Variants in SCARB1 observed in about 807,000 individuals in gnomAD.
SCARB1 encodes scavenger receptor class B member 1.
A neutral mutation model predicts 57.2 loss-of-function variants in SCARB1; 30 were observed. The ratio of observed to expected loss-of-function variants is 0.52; its 90% CI spans 0.39 to 0.71. The LOEUF (loss-of-function observed/expected upper bound fraction) is 0.71, where lower values mean the gene tolerates loss of function less well. Ranked by LOEUF, SCARB1 falls within the 30% of genes least tolerant of loss-of-function variation. SCARB1 has a pLI of 0.00. For missense variants in SCARB1, 543 were observed against 671.2 expected (o/e 0.81, Z 2.11); for synonymous variants, 249 against 268.3 (o/e 0.93, Z 0.70).
chr12:124,851,827 G>A (rs796317485), intron 1 of SCARB1, among the ~76,000 whole-genome samples: 6 of 151,974 alleles, frequency 3.9e-5, no homozygotes, highest in East Asian at 1.9e-4. Flanking sequence ...GGCTGGTCTC[G>A]AACTCCTGAC....
At chr12:124,811,705 A>G (rs1473141137) in intron 5 of SCARB1, among the ~76,000 whole-genome samples, 165 bp downstream of exon 5, 1 of 152,192 alleles carries the variant, frequency 6.6e-6, no homozygotes, top group Non-Finnish European at 1.5e-5. Context: ...AGCTTTAACC[A>G]GAGGTAAAAT....
chr12:124,838,531 T>C (rs1032970869), intron 1 of SCARB1, among the ~76,000 whole-genome samples: 1 of 152,024 alleles, frequency 6.6e-6, no homozygotes, highest in Non-Finnish European at 1.5e-5. Flanking sequence ...AGGGCAACGG[T>C]GGTTTGGGCC....
chr12:124,813,359 T>G (rs1950589495), intron 4 of SCARB1, among the ~76,000 whole-genome samples: 2 of 152,150 alleles, frequency 1.3e-5, no homozygotes, highest in African/African-American at 4.8e-5. Context: ...ACTTGGACAA[T>G]GAGGTTATCT....
chr12:124,815,530 A>C (rs561159156), intron 2 of SCARB1, among the ~76,000 whole-genome samples: 1 of 152,290 alleles, frequency 6.6e-6, no homozygotes, highest in East Asian at 1.9e-4. Flanking sequence ...ATGATCTCTC[A>C]TCTCTCCAAG....
At chr12:124,830,495 C>T (rs1951341922) in intron 1 of SCARB1, among the ~76,000 whole-genome samples, 1 of 152,138 alleles carries the variant, frequency 6.6e-6, no homozygotes, top group East Asian at 1.9e-4. Context: ...TGGAATGCTA[C>T]CCAGAGACAA....
intron 7 of SCARB1, among the ~76,000 whole-genome samples, chr12:124,801,057 G>A (rs1334504757): frequency 6.6e-6 from 1 of 152,090 alleles, no homozygotes; most frequent in Non-Finnish European, 1.5e-5. Flanking sequence ...AAATTAGCCG[G>A]GCATGGTGGC....
chr12:124,839,209 T>G, intron 1 of SCARB1: 1 of 456,122 alleles, frequency 2.2e-6, no homozygotes, highest in Non-Finnish European at 4.4e-6. Context: ...GAAAAAGAGC[T>G]CTGCACCCCC....
chr12:124,828,269 C>T (rs992058134), intron 1 of SCARB1, among the ~76,000 whole-genome samples: 7 of 152,078 alleles, frequency 4.6e-5, no homozygotes, highest in African/African-American at 1.7e-4. Flanking sequence ...CTCCCCTGCA[C>T]CTGGAGAGGC....
Position 124,817,353 on chromosome 12 carries a change from TAAAAAAAAAA to T in SCARB1, c.284+187_284+196del, listed in dbSNP as rs60063887. ...GGGCAACATAGCAAGATCCCATCTC[TAAAAAAAAAA>T]AAAAAAAAAAAAAAAACCCTAAAAC... On this transcript the variant is annotated intron_variant, in intron 2 of 12. Transcript: ENST00000261693. The surrounding 1 kb of genome is among the most constrained non-coding windows in gnomAD (Gnocchi z 4.8). Among the ~76,000 whole-genome samples the T allele has an allele frequency of 1.5e-5, 1 of 68,772 alleles. No individual in the cohort carries two copies. Among genetic ancestry groups the T allele is most frequent in the Non-Finnish European group, 2.7e-5 (1 of 37,542 alleles). The allele number at this position is 68,772 out of a possible 152,430, so 45.1% of individuals were successfully genotyped here.
Position 124,856,787 on chromosome 12 carries a change from C to T in SCARB1, c.126+6808G>A, listed in dbSNP as rs565821162. On this transcript the variant is annotated intron_variant, in intron 1 of 12. Transcript: ENST00000261693. ...GCTGATAAAGGCGCAGAGCGGGCGG[C>T]CCCTGCAGGATGGGTGGGAGTCCAG... Among the ~76,000 whole-genome samples, 224 of 152,316 alleles carry T rather than the reference C, an allele frequency of 1.5e-3. 1 individual carries two copies. Among genetic ancestry groups the T allele is most frequent in the African/African-American group, 5.1e-3 (214 of 41,574 alleles).
chr12:124,839,647 C>A (rs1951833059), intron 1 of SCARB1: 1 of 985,236 alleles, frequency 1.0e-6, no homozygotes, highest in Admixed American at 6.1e-5. Context: ...CCTACATTCC[C>A]AACGGCACAC....
intron 5 of SCARB1, among the ~76,000 whole-genome samples, chr12:124,811,335 G>A (rs35469755): frequency 0.079 from 12,070 of 152,152 alleles, 621 homozygotes; most frequent in African/African-American, 0.15. Context: ...GTGAAATTGC[G>A]TGATCTCAGC....
chr12:124,805,440 G>A (rs1950286956), intron 7 of SCARB1, among the ~76,000 whole-genome samples: 1 of 151,722 alleles, frequency 6.6e-6, no homozygotes, highest in African/African-American at 2.4e-5. Flanking sequence ...AGAGGCTGGT[G>A]GGGCTGGATC....
intron 8 of SCARB1, among the ~76,000 whole-genome samples, chr12:124,798,097 A>G (rs1047187954): frequency 1.3e-5 from 2 of 152,338 alleles, no homozygotes; most frequent in South Asian, 4.1e-4. Flanking sequence ...ACACAGTGGG[A>G]TACTGTTCAG....
intron 1 of SCARB1, among the ~76,000 whole-genome samples, chr12:124,857,986 G>A (rs547461569): frequency 1.7e-4 from 26 of 152,326 alleles, no homozygotes; most frequent in South Asian, 4.1e-4. Flanking sequence ...TGGAGGACCA[G>A]AGACATACGG....
At chr12:124,863,461 G>T in intron 1 of SCARB1, 134 bp downstream of exon 1, 1 of 888,370 alleles carries the variant, frequency 1.1e-6, no homozygotes, top group Non-Finnish European at 1.7e-6. Flanking sequence ...GGCCTCCCTC[G>T]TGCTCTGCGG....
chr12:124,825,875 T>C (rs377037758), intron 1 of SCARB1, among the ~76,000 whole-genome samples: 3 of 151,774 alleles, frequency 2.0e-5, no homozygotes, highest in Admixed American at 6.6e-5. Context: ...ACACAGAGAG[T>C]TGAATGGTGC....
chr12:124,849,040 T>A (rs1437596048), intron 1 of SCARB1, among the ~76,000 whole-genome samples: 1 of 152,254 alleles, frequency 6.6e-6, no homozygotes, highest in African/African-American at 2.4e-5. Context: ...GAGACACTTT[T>A]ATTAACTTCA....
chr12:124,848,500 G>A (rs1952253177), intron 1 of SCARB1, among the ~76,000 whole-genome samples: 2 of 149,588 alleles, frequency 1.3e-5, no homozygotes, highest in Non-Finnish European at 3.0e-5. Context: ...GAGTGGGGCC[G>A]TGGTCCACGG....
Sources: allele counts gnomAD v4.1 joint callset (sites outside exome capture counted in the v4.1 genomes callset), GRCh38; gene constraint gnomAD v4.1.1; non-coding constraint Gnocchi (gnomAD v3.1); transcripts MANE v1.5; gene names NCBI Gene and HGNC (gene_info 2026-07-23, HGNC 2026-07-21).